The following B3GNT2 variants were observed in gnomAD, a reference collection of about 807,000 sequenced individuals.
B3GNT2 encodes UDP-GlcNAc:betaGal beta-1,3-N-acetylglucosaminyltransferase 2.
B3GNT2 carries 12 observed loss-of-function variants against 27.6 expected under a neutral mutation model. The observed-to-expected ratio is 0.44, with a 90% confidence interval of 0.28 to 0.71. The LOEUF (loss-of-function observed/expected upper bound fraction) is 0.71, where lower values mean the gene tolerates loss of function less well. Ranked by LOEUF, B3GNT2 falls within the 30% of genes least tolerant of loss-of-function variation. The probability of loss-of-function intolerance (pLI) is 0.17; values close to 1 mark genes in which losing one functional copy is unlikely to be tolerated. For synonymous variants in B3GNT2, 192 were observed against 189.7 expected, an observed-to-expected ratio of 1.01 and a Z score of -0.10; for missense variants, 413 against 488.5, an observed-to-expected ratio of 0.85 and a Z score of 1.46.
At chr2:62,204,503 A>C (rs1258017169) in intron 1 of B3GNT2, among the ~76,000 whole-genome samples, 1 of 152,272 alleles carries the variant, frequency 6.6e-6, no homozygotes, top group Non-Finnish European at 1.5e-5. Flanking sequence ...ATATTTGTCT[A>C]ATAATGAAAG....
intron 1 of B3GNT2, among the ~76,000 whole-genome samples, chr2:62,207,114 T>C (rs937044311): frequency 6.6e-6 from 1 of 152,218 alleles, no homozygotes; most frequent in African/African-American, 2.4e-5. Flanking sequence ...CATTTTTATT[T>C]TGGAAGGAAG....
chr2:62,209,811 G>A (rs1674446384), intron 1 of B3GNT2, among the ~76,000 whole-genome samples: 1 of 152,194 alleles, frequency 6.6e-6, no homozygotes, highest in African/African-American at 2.4e-5. Context: ...GATGTTGGAG[G>A]GAAGGAAAAG....
At chr2:62,218,087 CTTACGCAA>C (rs1674609066) in intron 1 of B3GNT2, among the ~76,000 whole-genome samples, 1 of 151,974 alleles carries the variant, frequency 6.6e-6, no homozygotes, top group Non-Finnish European at 1.5e-5. Context: ...TTAAATTCTT[CTTACGCAA>C]TGTAACTTCC....
At chr2:62,208,934 C>T (rs1191386668) in intron 1 of B3GNT2, among the ~76,000 whole-genome samples, 1 of 152,058 alleles carries the variant, frequency 6.6e-6, no homozygotes, top group Non-Finnish European at 1.5e-5. Flanking sequence ...GGAAGAAATA[C>T]AAGCAGCCCA....
At chr2:62,202,879 C>T (rs919487104) in intron 1 of B3GNT2, among the ~76,000 whole-genome samples, 1 of 152,196 alleles carries the variant, frequency 6.6e-6, no homozygotes, top group Non-Finnish European at 1.5e-5. Context: ...CCTTCTCCCC[C>T]TCATTTCACT....
chr2:62,208,593 G>A (rs565722519), intron 1 of B3GNT2, among the ~76,000 whole-genome samples: 1 of 152,272 alleles, frequency 6.6e-6, no homozygotes, highest in African/African-American at 2.4e-5. Context: ...TGGAGAAGAG[G>A]GCCAGGACTG....
intron 1 of B3GNT2, chr2:62,205,906 G>C (rs1293909216): frequency 6.5e-6 from 1 of 154,254 alleles, no homozygotes; most frequent in Non-Finnish European, 1.5e-5. Flanking sequence ...CAGGTGGTGA[G>C]GGCTTGGTAC....
intron 1 of B3GNT2, among the ~76,000 whole-genome samples, chr2:62,216,582 A>C (rs528304098): frequency 3.1e-4 from 47 of 151,550 alleles, no homozygotes; most frequent in Non-Finnish European, 3.8e-4. Context: ...ATTTTTTTTT[A>C]ATGTAGACAT....
chr2:62,220,493 T>C (rs948547717), intron 1 of B3GNT2, among the ~76,000 whole-genome samples: 4 of 152,224 alleles, frequency 2.6e-5, no homozygotes, highest in Non-Finnish European at 4.4e-5. Flanking sequence ...ATTTTTCTAC[T>C]TTACCGTTTG....
chr2:62,207,710 T>C (rs1674403025), intron 1 of B3GNT2, among the ~76,000 whole-genome samples: 1 of 152,170 alleles, frequency 6.6e-6, no homozygotes, highest in Admixed American at 6.5e-5. Flanking sequence ...CCTGTGAGAA[T>C]CTAATGTCAA....
chr2:62,211,525 G>C (rs2104199419), intron 1 of B3GNT2, among the ~76,000 whole-genome samples: 1 of 152,266 alleles, frequency 6.6e-6, no homozygotes, highest in East Asian at 1.9e-4. Flanking sequence ...TAATCAATGG[G>C]CATCCAACTT....
chr2:62,222,131 TG>T lies in B3GNT2; in HGVS notation c.-9-77del. 1 of 1,260,526 alleles carries T rather than the reference TG, an allele frequency of 7.9e-7. No individual in the cohort carries two copies. Among genetic ancestry groups the T allele is most frequent in the Non-Finnish European group, 1.1e-6 (1 of 910,602 alleles). The allele number at this position is 1,260,526 out of a possible 1,614,324, so 78.1% of individuals were successfully genotyped here. On this transcript the variant is annotated intron_variant, in intron 1 of 1. Coordinates refer to ENST00000301998, the MANE Select transcript of B3GNT2 (RefSeq NM_006577.6). The surrounding 1 kb of genome is among the most constrained non-coding windows in gnomAD (Gnocchi z 4.2). Reference sequence around the variant, plus strand: ...AGTCTTTGCTGTAAACCACTATTCCTGGGGAGACAGGTAAAATAAATTGTAT... The same window carrying T: ...AGTCTTTGCTGTAAACCACTATTCCTGGGAGACAGGTAAAATAAATTGTAT...
intron 1 of B3GNT2, among the ~76,000 whole-genome samples, chr2:62,208,893 A>C (rs1674429513): frequency 6.6e-6 from 1 of 152,060 alleles, no homozygotes; most frequent in Non-Finnish European, 1.5e-5. Flanking sequence ...AAGTCAGATA[A>C]ATGTGGGTGA....
At chr2:62,201,503 C>T (rs1392653657) in intron 1 of B3GNT2, among the ~76,000 whole-genome samples, 2 of 152,234 alleles carry the variant, frequency 1.3e-5, no homozygotes, top group African/African-American at 4.8e-5. Context: ...TAATTGCTTG[C>T]TTCAGACAAG....
At chr2:62,216,684 G>A (rs1048408424) in intron 1 of B3GNT2, among the ~76,000 whole-genome samples, 1 of 152,182 alleles carries the variant, frequency 6.6e-6, no homozygotes, top group Non-Finnish European at 1.5e-5. Context: ...GGTTACAGGC[G>A]TGAGCCATGG....
chr2:62,208,044 G>A (rs780337307), intron 1 of B3GNT2, among the ~76,000 whole-genome samples: 1 of 152,076 alleles, frequency 6.6e-6, no homozygotes, highest in Non-Finnish European at 1.5e-5. Flanking sequence ...TTTGAGAGGG[G>A]TCATCTTTAA....
At chr2:62,207,633 C>T (rs1193444858) in intron 1 of B3GNT2, among the ~76,000 whole-genome samples, 2 of 152,134 alleles carry the variant, frequency 1.3e-5, no homozygotes, top group African/African-American at 2.4e-5. Context: ...GATCATCAGG[C>T]GTCAGATTCT....
rs961394526 is a variant in B3GNT2 at position 62,224,034 on chromosome 2, C to T, written c.*620C>T. 6.6e-5 allele frequency: 11 copies of T among 166,980 alleles called. No homozygotes were observed. The highest frequency in any genetic ancestry group is 2.7e-4 in the African/African-American group (11 of 41,422). 10.3% of individuals were successfully genotyped at this position (166,980 alleles called of 1,614,324 possible). On this transcript the variant is annotated 3_prime_UTR_variant, in exon 2 of 2. Transcript: ENST00000301998. The stretch of plus-strand genomic sequence containing the variant: ...ATGGTGTGACACTCATCTAATTTAT[C>T]TTGTTGTGATGTTATGGTCATAATA...
At chr2:62,202,280 A>T (rs977122634) in intron 1 of B3GNT2, among the ~76,000 whole-genome samples, 1 of 152,214 alleles carries the variant, frequency 6.6e-6, no homozygotes, top group Non-Finnish European at 1.5e-5. Flanking sequence ...TTCTTAAGGA[A>T]GTGGCCTTTG....
Sources: gnomAD v4.1 joint callset for allele counts (sites outside exome capture counted in the v4.1 genomes callset) on GRCh38, gnomAD v4.1.1 for gene constraint, Gnocchi (gnomAD v3.1) non-coding constraint, MANE v1.5 for transcripts, NCBI Gene and HGNC (gene_info 2026-07-23, HGNC 2026-07-21) for gene names.